Variants in RYR2 observed in about 807,000 individuals in gnomAD.
RYR2 encodes cardiac muscle ryanodine receptor-calcium release channel.
A neutral mutation model predicts 601.1 loss-of-function variants in RYR2; 227 were observed. That is an observed-to-expected ratio of 0.38 (90% confidence interval 0.34 to 0.42). The LOEUF (loss-of-function observed/expected upper bound fraction) is 0.42. Among genes scored for constraint, RYR2 ranks in the 10% least tolerant of loss-of-function variants. The pLI, the probability that RYR2 is intolerant of heterozygous loss-of-function variation, is 1.00. For missense variants in RYR2, 4,646 were observed against 6,156.5 expected (o/e 0.75, Z 8.21); for synonymous variants, 2,223 against 2,175.1 (o/e 1.02, Z -0.61).
intron 1 of RYR2, among the ~76,000 whole-genome samples, chr1:237,182,741 T>C (rs181771750): frequency 2.0e-5 from 3 of 152,256 alleles, no homozygotes; most frequent in Admixed American, 2.0e-4. Context: ...ATAATAGTTT[T>C]TCTGGTTTTG....
chr1:237,267,507 G>A (rs997386819), intron 1 of RYR2: 1 of 208,286 alleles, frequency 4.8e-6, no homozygotes, highest in Non-Finnish European at 1.0e-5. Flanking sequence ...GTAGCAGACT[G>A]AGACTCTGCC....
chr1:237,592,260 A>G (rs1675287625), intron 32 of RYR2, among the ~76,000 whole-genome samples: 1 of 152,174 alleles, frequency 6.6e-6, no homozygotes, highest in Non-Finnish European at 1.5e-5. Context: ...AAAATGCTAC[A>G]TTGAAAAAGT....
chr1:237,200,512 ACCTTGGCC>A (rs1681076472), intron 1 of RYR2, among the ~76,000 whole-genome samples: 3 of 152,082 alleles, frequency 2.0e-5, no homozygotes, highest in African/African-American at 7.2e-5. Context: ...TGATCTGCCC[ACCTTGGCC>A]CTCCAACGTG....
At chr1:237,518,981 A>C (rs1038280014) in intron 24 of RYR2, among the ~76,000 whole-genome samples, 3 of 152,156 alleles carry the variant, frequency 2.0e-5, no homozygotes, top group Non-Finnish European at 2.9e-5. Context: ...GTGTAGGATG[A>C]CATCCCACCT....
intron 29 of RYR2, among the ~76,000 whole-genome samples, chr1:237,582,492 T>C (rs1479100985): frequency 6.6e-6 from 1 of 152,032 alleles, no homozygotes; most frequent in African/African-American, 2.4e-5. Context: ...CCTGGGTATA[T>C]AGTGTTATGC....
At chr1:237,631,610 C>G (rs1559141009) in intron 42 of RYR2, 69 bp downstream of exon 42, 5 of 310,322 alleles carry the variant, frequency 1.6e-5, no homozygotes, top group Non-Finnish European at 2.7e-5. Context: ...ATATAGAATG[C>G]AGATTTTTTT....
chr1:237,123,305 A>G (rs1362547294), intron 1 of RYR2, among the ~76,000 whole-genome samples: 2 of 152,122 alleles, frequency 1.3e-5, no homozygotes, highest in Non-Finnish European at 2.9e-5. Flanking sequence ...TACTGATGAG[A>G]GCTGAGTGCT....
In RYR2 at chr1:237,511,681, G is replaced by A; in HGVS notation, c.2719-7G>A. On this transcript the variant is annotated splice_region_variant and splice_polypyrimidine_tract_variant and intron_variant, in intron 23 of 104. Coordinates refer to ENST00000366574, the MANE Select transcript of RYR2 (RefSeq NM_001035.3). Reference sequence around the variant, plus strand: ...CTATTTTATGTCAATTTCCTGTCCTGTTTCAGGTTAGAGATGACAACAAGA... The same window carrying A: ...CTATTTTATGTCAATTTCCTGTCCTATTTCAGGTTAGAGATGACAACAAGA... The A allele has an allele frequency of 6.4e-7, 1 of 1,556,550 alleles. No homozygotes were observed. The highest frequency in any genetic ancestry group is 1.2e-5 in the South Asian group (1 of 84,368).
chr1:237,460,922 A>C (rs887911883), intron 16 of RYR2, among the ~76,000 whole-genome samples: 3 of 152,126 alleles, frequency 2.0e-5, no homozygotes, highest in African/African-American at 4.8e-5. Flanking sequence ...GATGTTTGTT[A>C]TCATCCTTTC....
intron 3 of RYR2, among the ~76,000 whole-genome samples, chr1:237,331,287 A>G (rs1696686799): frequency 6.6e-6 from 1 of 152,138 alleles, no homozygotes; most frequent in Admixed American, 6.6e-5. Flanking sequence ...TGTTATTGTT[A>G]TTATTTTAAC....
intron 79 of RYR2, among the ~76,000 whole-genome samples, chr1:237,741,104 T>C (rs752165310): frequency 6.6e-6 from 1 of 152,178 alleles, no homozygotes; most frequent in Non-Finnish European, 1.5e-5. Flanking sequence ...AATGAAACTG[T>C]CCTAGGCCTG....
intron 29 of RYR2, among the ~76,000 whole-genome samples, chr1:237,576,403 C>G (rs1368168784): frequency 2.0e-5 from 3 of 152,024 alleles, no homozygotes. Flanking sequence ...TAGGGATAGA[C>G]AAATTGACAA....
chr1:237,412,376 T>C (rs1439522167), intron 10 of RYR2, among the ~76,000 whole-genome samples: 1 of 152,148 alleles, frequency 6.6e-6, no homozygotes, highest in African/African-American at 2.4e-5. Flanking sequence ...TGTGGGATAA[T>C]GTGTTATGTA....
Position 237,832,752 on chromosome 1 carries a change from G to T in RYR2, c.*105G>T. 3.3e-6 allele frequency: 2 copies of T among 607,856 alleles called. No homozygotes were observed. The highest frequency in any genetic ancestry group is 2.9e-6 in the Non-Finnish European group (1 of 348,434). 37.7% of individuals were successfully genotyped at this position (607,856 alleles called of 1,614,324 possible). On this transcript the variant is annotated 3_prime_UTR_variant, in exon 105 of 105. Coordinates refer to ENST00000366574, the MANE Select transcript of RYR2 (RefSeq NM_001035.3). ...ATTTTGCTGATTTTGTGAATTGCCA[G>T]CGTTGTGTGTTTTCTGGGAGCATCG...
At position 237,491,934 on chromosome 1, in the gene RYR2, CTATTT is replaced by C; in HGVS notation, c.1827+16_1827+20del. 6 of 1,062,306 alleles carry C rather than the reference CTATTT, an allele frequency of 5.6e-6. No individual in the cohort carries two copies. Among genetic ancestry groups the C allele is most frequent in the Middle Eastern group, 2.1e-4 (1 of 4,734 alleles). The allele number at this position is 1,062,306 out of a possible 1,614,324, so 65.8% of individuals were successfully genotyped here. On this transcript the variant is annotated intron_variant, in intron 18 of 104. Coordinates refer to ENST00000366574, the MANE Select transcript of RYR2 (RefSeq NM_001035.3). Reference sequence around the variant, plus strand: ...TGGAAGAAATCACAAGGTAAATGAACTATTTTATTTCCCTGAATGAATTCTCAAAT... The same window carrying C: ...TGGAAGAAATCACAAGGTAAATGAACTATTTCCCTGAATGAATTCTCAAAT...
intron 24 of RYR2, among the ~76,000 whole-genome samples, chr1:237,512,004 C>T (rs1044075928): frequency 1.3e-5 from 2 of 152,080 alleles, no homozygotes; most frequent in Admixed American, 6.6e-5. Context: ...TGTTCTACAT[C>T]AGTATTTTGC....
chr1:237,274,546 A>C (rs552141678), intron 2 of RYR2, among the ~76,000 whole-genome samples: 232 of 152,332 alleles, frequency 1.5e-3, no homozygotes, highest in African/African-American at 5.3e-3. Flanking sequence ...AAGTTTATAA[A>C]GTAAAAAGTT....
chr1:237,749,977 C>A (rs564350189), intron 80 of RYR2, among the ~76,000 whole-genome samples: 71 of 152,134 alleles, frequency 4.7e-4, no homozygotes, highest in Non-Finnish European at 7.8e-4. Flanking sequence ...GAAATCCCAT[C>A]TCTGCTAAAA....
chr1:237,180,688 A>ATG lies in RYR2; in HGVS notation c.49-89807_49-89806dup, dbSNP rs1175236659. Among the ~76,000 whole-genome samples, 5 of 61,258 alleles carry ATG rather than the reference A, an allele frequency of 8.2e-5. No homozygotes were observed. The highest frequency in any genetic ancestry group is 1.5e-4 in the African/African-American group (3 of 20,112). The allele number at this position is 61,258 out of a possible 152,430, so 40.2% of individuals were successfully genotyped here. A position where few individuals can be genotyped will look rare whatever the true frequency, so the allele number is the denominator to read the frequency against. On this transcript the variant is annotated intron_variant, in intron 1 of 104. Transcript: ENST00000366574. This position sits in a 1 kb window ranked among gnomAD's most constrained non-coding sequence, Gnocchi z 5.3. ...TATACATGTGTATATATGTGTATATATGTATATATAAGTATATATACACAT... is the reference window on the plus strand; with the variant it reads ...TATACATGTGTATATATGTGTATATATGTGTATATATAAGTATATATACACAT...
Sources: gnomAD v4.1 joint callset for allele counts (sites outside exome capture counted in the v4.1 genomes callset) on GRCh38, gnomAD v4.1.1 for gene constraint, Gnocchi (gnomAD v3.1) non-coding constraint, MANE v1.5 for transcripts, NCBI Gene and HGNC (gene_info 2026-07-23, HGNC 2026-07-21) for gene names.